Variants in EPM2A observed in about 807,000 individuals in gnomAD.
EPM2A encodes laforin.
Under a neutral mutation model 26.5 loss-of-function variants are expected in EPM2A, and 21 were observed. That is an observed-to-expected ratio of 0.79 (90% CI 0.56 to 1.14). The LOEUF (loss-of-function observed/expected upper bound fraction) is 1.14, where lower values mean the gene tolerates loss of function less well. EPM2A is among the 50% of genes most tolerant of loss of function. EPM2A has a pLI of 0.00. For synonymous variants in EPM2A, 217 were observed against 177.6 expected (o/e 1.22, Z -1.76); for missense variants, 458 against 440.8 (o/e 1.04, Z -0.35).
chr6:145,572,380 C>T (rs1780970517), intron 2 of EPM2A, among the ~76,000 whole-genome samples: 1 of 152,174 alleles, frequency 6.6e-6, no homozygotes, highest in Admixed American at 6.5e-5. Context: ...GAGCCACTGC[C>T]TCATGTAACT....
At chr6:145,537,494 C>G (rs189029467) in intron 2 of EPM2A, among the ~76,000 whole-genome samples, 234 of 149,640 alleles carry the variant, frequency 1.6e-3, no homozygotes, top group Non-Finnish European at 2.2e-3. Flanking sequence ...TTAGCTACTT[C>G]TTTTATTGTT....
intron 2 of EPM2A, among the ~76,000 whole-genome samples, chr6:145,526,088 A>G (rs1780269412): frequency 6.6e-6 from 1 of 152,112 alleles, no homozygotes; most frequent in African/African-American, 2.4e-5. Flanking sequence ...TATGTGGTGA[A>G]TCACACTTAT....
intron 2 of EPM2A, among the ~76,000 whole-genome samples, chr6:145,519,732 A>G (rs1267886458): frequency 1.3e-5 from 2 of 152,156 alleles, no homozygotes; most frequent in Admixed American, 6.5e-5. Flanking sequence ...TAAAACTCGC[A>G]AAGGAATAAG....
intron 4 of EPM2A, among the ~76,000 whole-genome samples, chr6:145,408,861 T>A (rs904851413): frequency 1.3e-5 from 2 of 152,246 alleles, no homozygotes; most frequent in Non-Finnish European, 2.9e-5. Context: ...AGTCCTCTTT[T>A]ACAGGAGCAC....
At chr6:145,540,703 C>T (rs890640978) in intron 2 of EPM2A, among the ~76,000 whole-genome samples, 5 of 151,920 alleles carry the variant, frequency 3.3e-5, no homozygotes, top group Admixed American at 6.6e-5. Flanking sequence ...CTAGTAAAGA[C>T]GCATTTCAGA....
At chr6:145,586,000 T>C (rs1231748978) in intron 2 of EPM2A, among the ~76,000 whole-genome samples, 1 of 152,196 alleles carries the variant, frequency 6.6e-6, no homozygotes, top group Non-Finnish European at 1.5e-5. Flanking sequence ...TATCTCTCAC[T>C]GTAGTCTTAC....
Position 145,735,216 on chromosome 6 carries a change from C to T in EPM2A, c.283G>A (p.Gly95Arg). 1.3e-6 allele frequency: 2 copies of T among 1,530,844 alleles called. No homozygotes were observed. The highest frequency in any genetic ancestry group is 1.8e-6 in the Non-Finnish European group (2 of 1,137,118). The allele number at this position is 1,530,844 out of a possible 1,614,324, so 94.8% of individuals were successfully genotyped here. The change falls in exon 1 of 4, where the codon GGA becomes AGA. Residue 95 changes from glycine (G) to arginine (R), a missense_variant. By Grantham distance (125) the Gly-to-Arg change is moderately radical. Coordinates refer to ENST00000367519, the MANE Select transcript of EPM2A (RefSeq NM_005670.4). ...WYKFLKREPG[G>R]ELSWEGNGPH... ...GCAATACCTTCCCAGGAGAGCTCTC[C>T]TCCCGGCTCCCGCTTCAGGAACTTG... is the stretch of plus-strand genomic sequence containing the variant.
downstream of EPM2A, among the ~76,000 whole-genome samples, chr6:145,622,621 A>G (rs750921445): frequency 2.0e-5 from 3 of 152,224 alleles, no homozygotes; most frequent in Non-Finnish European, 4.4e-5. Context: ...CCATGTGAAG[A>G]TGAAGGCAGA....
chr6:145,599,446 C>A (rs1235883585), intron 2 of EPM2A, among the ~76,000 whole-genome samples: 1 of 151,660 alleles, frequency 6.6e-6, no homozygotes, highest in East Asian at 1.9e-4. Flanking sequence ...TGGAAGACTT[C>A]TTTAACTTTT....
intron 4 of EPM2A, among the ~76,000 whole-genome samples, chr6:145,448,707 C>T (rs1188844730): frequency 6.6e-6 from 1 of 152,142 alleles, no homozygotes; most frequent in Admixed American, 6.6e-5. Context: ...CCTTACATAC[C>T]TGGTCTTTGA....
downstream of EPM2A, among the ~76,000 whole-genome samples, chr6:145,500,897 G>A (rs186131435): frequency 1.3e-5 from 2 of 152,304 alleles, no homozygotes; most frequent in East Asian, 3.9e-4. Context: ...TGTGGGAAAT[G>A]TCAGGTAGGT....
intron 2 of EPM2A, among the ~76,000 whole-genome samples, chr6:145,506,395 C>T (rs929536392): frequency 2.0e-5 from 3 of 151,904 alleles, no homozygotes; most frequent in Admixed American, 6.6e-5. Context: ...GGACAACAGA[C>T]GCCTTAGACA....
intron 2 of EPM2A, among the ~76,000 whole-genome samples, chr6:145,596,837 T>C (rs368277033): frequency 4.1e-5 from 6 of 147,092 alleles, no homozygotes; most frequent in African/African-American, 1.5e-4. Context: ...GCCTTCCTAC[T>C]CTTTACTTTC....
intron 2 of EPM2A, among the ~76,000 whole-genome samples, chr6:145,546,238 C>T (rs2114799372): frequency 6.6e-6 from 1 of 152,232 alleles, no homozygotes; most frequent in South Asian, 2.1e-4. Flanking sequence ...TGGGAAGCTG[C>T]TGGTGCAAGT....
At chr6:145,637,056 T>A (rs913297873) in intron 2 of EPM2A, 2 of 152,118 alleles carry the variant, frequency 1.3e-5, no homozygotes, top group African/African-American at 4.8e-5. Context: ...TAAAAATAAC[T>A]CATAAAAATC....
rs76876785 is a variant in EPM2A, at chr6:145,424,193, C to G, written c.556-40096G>C. Among the ~76,000 whole-genome samples, 930 of 152,258 alleles carry G rather than the reference C, an allele frequency of 6.1e-3. 31 individuals carry two copies. The East Asian group carries it at 0.11, about 18-fold the overall frequency. ...GTTCTACAAAAATCCTGGCACCCTT[C>G]AACAACCCTGCAGGACAATAAACTT... On this transcript the variant is annotated intron_variant, in intron 4 of 4. Coordinates refer to the EPM2A transcript ENST00000638717.
At chr6:145,718,809 G>C (rs544341867) in intron 1 of EPM2A, among the ~76,000 whole-genome samples, 1 of 152,194 alleles carries the variant, frequency 6.6e-6, no homozygotes, top group African/African-American at 2.4e-5. Flanking sequence ...ACAAGTGGGC[G>C]AAGGACATGA....
chr6:145,567,623 T>C (rs1780901290), intron 2 of EPM2A, among the ~76,000 whole-genome samples: 1 of 152,184 alleles, frequency 6.6e-6, no homozygotes, highest in Non-Finnish European at 1.5e-5. Context: ...TCCTGGGACA[T>C]GTAAGAAAAC....
intron 2 of EPM2A, among the ~76,000 whole-genome samples, chr6:145,643,018 G>C (rs1011739801): frequency 6.6e-6 from 1 of 152,082 alleles, no homozygotes; most frequent in African/African-American, 2.4e-5. Flanking sequence ...AGAGGAAGAG[G>C]GAAGACCTTT....
Sources: allele counts gnomAD v4.1 joint callset (sites outside exome capture counted in the v4.1 genomes callset), GRCh38; gene constraint gnomAD v4.1.1; transcripts MANE v1.5; gene names NCBI Gene and HGNC (gene_info 2026-07-23, HGNC 2026-07-21).